The following RIC3 variants were observed in gnomAD, a reference collection of about 807,000 sequenced individuals.
RIC3 encodes RIC3 acetylcholine receptor chaperone.
A neutral mutation model predicts 27.3 loss-of-function variants in RIC3; 28 were observed. The observed-to-expected ratio is 1.02, with a 90% CI of 0.76 to 1.41. RIC3 has a LOEUF of 1.41. Ranked by LOEUF, RIC3 falls within the 40% of genes most tolerant of loss-of-function variation. The pLI, the probability that RIC3 is intolerant of heterozygous loss-of-function variation, is 0.00. For missense variants in RIC3, 501 were observed against 444.7 expected (o/e 1.13, Z -1.14); for synonymous variants, 184 against 160.4 (o/e 1.15, Z -1.11).
chr11:8,124,958 G>A (rs1373818790), intron 5 of RIC3, among the ~76,000 whole-genome samples: 1 of 152,064 alleles, frequency 6.6e-6, no homozygotes, highest in East Asian at 1.9e-4. Flanking sequence ...TTCTTAAACA[G>A]AACATAAAAA....
At chr11:8,129,326 A>G (rs1947390650) in intron 4 of RIC3, among the ~76,000 whole-genome samples, 1 of 152,092 alleles carries the variant, frequency 6.6e-6, no homozygotes, top group African/African-American at 2.4e-5. Context: ...TCATGCCCTC[A>G]GGAAGTTGAC....
chr11:8,126,906 G>T, intron 4 of RIC3, 99 bp from the exon 5 acceptor site: 7 of 1,339,178 alleles, frequency 5.2e-6, no homozygotes, highest in Non-Finnish European at 7.4e-6. Context: ...AATAGAAAGT[G>T]CAATTGCAGC....
At chr11:8,137,580 T>A (rs1465406371) in intron 3 of RIC3, 109 bp from the exon 4 acceptor site, 6 of 693,104 alleles carry the variant, frequency 8.7e-6, no homozygotes, top group Non-Finnish European at 1.4e-5. Context: ...CCCATTACTA[T>A]CTCATTGAAG....
At chr11:8,094,589 TCGCCG>T in the RIC3 span, among the ~76,000 whole-genome samples, 1 of 152,198 alleles carries the variant, frequency 6.6e-6, no homozygotes, top group Non-Finnish European at 1.5e-5. Flanking sequence ...TATGCAGCCC[TCGCCG>T]TCAGCTCTTC....
chr11:8,096,611 A>G, the RIC3 span: 1 of 982,644 alleles, frequency 1.0e-6, no homozygotes, highest in East Asian at 2.4e-5. Flanking sequence ...GAACATGAGT[A>G]TGTGACCATG....
intron 4 of RIC3, among the ~76,000 whole-genome samples, chr11:8,134,171 G>A (rs545227136): frequency 6.6e-6 from 1 of 152,200 alleles, no homozygotes; most frequent in Admixed American, 6.5e-5. Context: ...ACAGGCCCCA[G>A]TGTGTGATGT....
chr11:8,150,768 G>C (rs892305195), intron 1 of RIC3, among the ~76,000 whole-genome samples: 3 of 152,160 alleles, frequency 2.0e-5, no homozygotes, highest in African/African-American at 7.2e-5. Flanking sequence ...GGCAATCCTT[G>C]TTTTCAGACA....
intron 4 of RIC3, chr11:8,128,431 T>G (rs774750661): frequency 2.8e-6 from 1 of 361,944 alleles, no homozygotes; most frequent in Non-Finnish European, 5.4e-6. Context: ...CAAAGCATCC[T>G]CATTTCACTC....
At chr11:8,098,743 G>C in the RIC3 span, 1 of 1,592,428 alleles carries the variant, frequency 6.3e-7, no homozygotes, top group African/African-American at 1.3e-5. Flanking sequence ...TATACTGATT[G>C]TGCCTTTATT....
intron 1 of RIC3, among the ~76,000 whole-genome samples, chr11:8,159,365 A>G (rs1226821699): frequency 6.6e-6 from 1 of 152,180 alleles, no homozygotes; most frequent in Non-Finnish European, 1.5e-5. Flanking sequence ...GTAGAAGCAA[A>G]TGGGGAAGAG....
chr11:8,153,707 C>A (rs1950434081), intron 1 of RIC3, among the ~76,000 whole-genome samples: 3 of 152,134 alleles, frequency 2.0e-5, no homozygotes, highest in African/African-American at 4.8e-5. Flanking sequence ...ACTTCTAGTT[C>A]TGACTTTTCC....
At chr11:8,141,964 T>C (rs1949125463) in intron 1 of RIC3, among the ~76,000 whole-genome samples, 1 of 151,456 alleles carries the variant, frequency 6.6e-6, no homozygotes, top group Non-Finnish European at 1.5e-5. Context: ...AATAAAGATG[T>C]TCTTTGAAAC....
chr11:8,165,948 G>C (rs1176235913), intron 1 of RIC3, among the ~76,000 whole-genome samples: 1 of 150,900 alleles, frequency 6.6e-6, no homozygotes. Flanking sequence ...CCAGCTAATT[G>C]AAAAAAAACA....
rs547689494 is a variant in RIC3, at chr11:8,134,567, T to C, written c.521+2811A>G. Among the ~76,000 whole-genome samples, 23 of 152,302 alleles carry C rather than the reference T, an allele frequency of 1.5e-4. No homozygotes were observed. In the South Asian group the frequency reaches 4.4e-3, roughly 29 times the overall value. ...CTAGTTCTGGATCCCTGAGGAATCG[T>C]CACACTGTCTTCCACAATGGTTGAA... On this transcript the variant is annotated intron_variant, in intron 4 of 5. Transcript: ENST00000309737.
intron 1 of RIC3, among the ~76,000 whole-genome samples, chr11:8,153,110 A>C (rs1950380726): frequency 6.6e-6 from 1 of 152,220 alleles, no homozygotes; most frequent in Admixed American, 6.5e-5. Context: ...GAAAAAGTAA[A>C]AAATACTATT....
intron 1 of RIC3, among the ~76,000 whole-genome samples, chr11:8,155,598 T>A (rs1342959349): frequency 6.6e-6 from 1 of 152,036 alleles, no homozygotes; most frequent in African/African-American, 2.4e-5. Flanking sequence ...GAAAATGGAT[T>A]TTACAAAGTG....
chr11:8,165,480 C>T (rs2134372949), intron 1 of RIC3, among the ~76,000 whole-genome samples: 1 of 152,230 alleles, frequency 6.6e-6, no homozygotes, highest in Admixed American at 6.5e-5. Flanking sequence ...CCAGAACAGG[C>T]AAATCTATAG....
chr11:8,094,975 G>A, the RIC3 span, among the ~76,000 whole-genome samples: 2 of 152,354 alleles, frequency 1.3e-5, no homozygotes, highest in East Asian at 1.9e-4. Flanking sequence ...GAAAGCTGAC[G>A]TAGGATGGGA....
chr11:8,149,503 C>A (rs1244669438), intron 1 of RIC3, among the ~76,000 whole-genome samples: 1 of 152,026 alleles, frequency 6.6e-6, no homozygotes, highest in Non-Finnish European at 1.5e-5. Context: ...GGGGATTAAT[C>A]CAGCAGCAGA....
Sources: gnomAD v4.1 joint callset for allele counts (sites outside exome capture counted in the v4.1 genomes callset) on GRCh38, gnomAD v4.1.1 for gene constraint, MANE v1.5 for transcripts, NCBI Gene and HGNC (gene_info 2026-07-23, HGNC 2026-07-21) for gene names.